MED24: variants seen among roughly 807,000 people sequenced by gnomAD.
The protein encoded by MED24 is mediator complex subunit 24, also known as mediator of RNA polymerase II transcription subunit 24.
A neutral mutation model predicts 118.8 loss-of-function variants in MED24; 74 were observed. The ratio of observed to expected loss-of-function variants is 0.62; its 90% confidence interval spans 0.52 to 0.76. The LOEUF is 0.76. Ranked by LOEUF, MED24 falls within the 30% of genes least tolerant of loss-of-function variation. MED24 has a pLI of 0.00. For synonymous variants in MED24, 521 were observed against 523.9 expected, an observed-to-expected ratio of 0.99 and a Z score of 0.08; for missense variants, 1,041 against 1,278.9, an observed-to-expected ratio of 0.81 and a Z score of 2.84.
intron 3 of MED24, among the ~76,000 whole-genome samples, chr17:40,039,383 C>G (rs1190295873): frequency 6.6e-6 from 1 of 152,176 alleles, no homozygotes; most frequent in Non-Finnish European, 1.5e-5. Flanking sequence ...ATGCTTGTGG[C>G]TAGCCCCACC....
chr17:40,030,497 C>T (rs1157197877), intron 12 of MED24, among the ~76,000 whole-genome samples: 4 of 151,604 alleles, frequency 2.6e-5, no homozygotes, highest in Admixed American at 6.6e-5. Context: ...GGTTTCACCA[C>T]GTTGGCCAGG....
At chr17:40,027,084 T>C in intron 16 of MED24, 50 bp from the exon 17 acceptor site, 8 of 1,593,948 alleles carry the variant, frequency 5.0e-6, no homozygotes, top group South Asian at 1.1e-5. Context: ...GCGCGGCGCC[T>C]GCCAGCGCTG....
intron 11 of MED24, 38 bp from the exon 12 acceptor site, chr17:40,031,283 GGAT>G: frequency 4.6e-6 from 7 of 1,532,842 alleles, no homozygotes; most frequent in Non-Finnish European, 6.2e-6. Context: ...CTGGGCACCT[GGAT>G]AGGATGGTGA....
intron 19 of MED24, among the ~76,000 whole-genome samples, chr17:40,025,780 C>A (rs898118744): frequency 6.6e-6 from 1 of 152,182 alleles, no homozygotes; most frequent in Non-Finnish European, 1.5e-5. Flanking sequence ...AGAGCCAGGG[C>A]AGGAAACTGT....
At position 40,029,869 on chromosome 17, in the gene MED24, T is replaced by C. The variant is rs368844845; in HGVS notation, c.1155-10A>G. 2.5e-5 allele frequency: 40 copies of C among 1,612,360 alleles called. No individual in the cohort carries two copies. The highest frequency in any genetic ancestry group is 3.4e-5 in the Non-Finnish European group (40 of 1,178,592). ...CTCTCGGTCCGCTTTGCTGTGGACA[T>C]CACCAGTTGGCCAAGGAAGGGAAGA... On this transcript the variant is annotated splice_polypyrimidine_tract_variant and intron_variant, in intron 12 of 25. Transcript: ENST00000394128.
intron 3 of MED24, among the ~76,000 whole-genome samples, chr17:40,044,917 G>T (rs1984998561): frequency 6.6e-6 from 1 of 151,616 alleles, no homozygotes; most frequent in African/African-American, 2.4e-5. Flanking sequence ...GTTGGCAAAG[G>T]TATGGGGAAA....
intron 3 of MED24, among the ~76,000 whole-genome samples, chr17:40,039,280 G>T (rs1216935597): frequency 6.6e-6 from 1 of 152,194 alleles, no homozygotes; most frequent in Non-Finnish European, 1.5e-5. Flanking sequence ...TACACAGCAG[G>T]ATCTGGCCTA....
intron 3 of MED24, among the ~76,000 whole-genome samples, chr17:40,050,798 C>G (rs1439962535): frequency 6.6e-6 from 1 of 152,120 alleles, no homozygotes; most frequent in Non-Finnish European, 1.5e-5. Context: ...AATGGGTATA[C>G]TAAAAGCCCA....
rs867156306 is a variant in MED24, at chr17:40,031,237, C to T, written c.1076G>A (p.Cys359Tyr). ...ACATTCTTGGAGCAGGAAGTTTGTA[C>T]AGTCACAGCTGTGAGGGAGAAAGAT... ...DKADQRCNCD[C>Y]TNFLLQECGK... The change falls in exon 12 of 26, where the codon TGT (cysteine) becomes TAT (tyrosine). Residue 359 changes from cysteine to tyrosine, a missense_variant. By Grantham distance (194) the Cys-to-Tyr change is radical. Around this residue, in one of 3 missense-constraint regions of MED24, gnomAD observed 434 missense variants for 514.9 expected, o/e 0.84. Coordinates refer to ENST00000394128, the MANE Select transcript of MED24 (RefSeq NM_014815.4). The T allele has an allele frequency of 6.4e-7, 1 of 1,565,762 alleles. No individual in the cohort carries two copies. Among genetic ancestry groups the T allele is most frequent in the Non-Finnish European group, 8.7e-7 (1 of 1,154,092 alleles).
At chr17:40,044,904 A>C (rs1984996430) in intron 3 of MED24, among the ~76,000 whole-genome samples, 2 of 151,510 alleles carry the variant, frequency 1.3e-5, no homozygotes, top group East Asian at 3.9e-4. Context: ...AATTATATCC[A>C]GCGTTGGCAA....
chr17:40,049,673 C>T (rs1449396220), intron 3 of MED24, among the ~76,000 whole-genome samples: 1 of 151,934 alleles, frequency 6.6e-6, no homozygotes, highest in Non-Finnish European at 1.5e-5. Flanking sequence ...ATTACAGGCA[C>T]TCGCCACCAT....
intron 19 of MED24, among the ~76,000 whole-genome samples, chr17:40,025,094 T>C (rs7224298): frequency 0.015 from 2,261 of 152,276 alleles, 65 homozygotes; most frequent in African/African-American, 0.052. Context: ...TGCTACTACA[T>C]GGATGAGCTT....
In MED24 at chr17:40,033,408, A is replaced by G. The variant is rs374332490; in HGVS notation, c.608T>C (p.Leu203Pro). 7.5e-6 allele frequency: 12 copies of G among 1,610,428 alleles called. No individual in the cohort carries two copies. The highest frequency in any genetic ancestry group is 1.3e-5 in the African/African-American group (1 of 74,872). ...EHSLLKLGEI[L>P]ANLSNPQLRS... Reference sequence around the variant, plus strand: ...GAGCTGCGGGTTGCTGAGATTGGCCAGGATCTCTCCAAGTTTCAAGAGAGA... The same window carrying G: ...GAGCTGCGGGTTGCTGAGATTGGCCGGGATCTCTCCAAGTTTCAAGAGAGA... The change falls in exon 7 of 26, where the codon CTG (leucine) becomes CCG (proline). Residue 203 changes from leucine (L) to proline (P), a missense_variant. Physicochemically the swap from Leu to Pro is moderately conservative, Grantham distance 98 (BLOSUM62 -3). This residue lies in a region of MED24 where 434 missense variants were observed against 514.9 expected (regional missense o/e 0.84). Coordinates refer to ENST00000394128, the MANE Select transcript of MED24 (RefSeq NM_014815.4). This position sits in a 1 kb window ranked among gnomAD's most constrained non-coding sequence, Gnocchi z 5.2.
chr17:40,039,781 ATTTTT>A (rs869107070), intron 3 of MED24, among the ~76,000 whole-genome samples: 1 of 127,690 alleles, frequency 7.8e-6, no homozygotes, highest in South Asian at 2.7e-4. Flanking sequence ...ACCATGCTTA[ATTTTT>A]TTTTTTTTTT....
chr17:40,031,354 C>A, intron 11 of MED24, 109 bp from the exon 12 acceptor site: 2 of 1,277,568 alleles, frequency 1.6e-6, no homozygotes. Flanking sequence ...TGAGGAAAAT[C>A]TGGAGTGCCT....
At chr17:40,023,006 C>A (rs1982218204) in intron 20 of MED24, 125 bp downstream of exon 20, 1 of 1,394,574 alleles carries the variant, frequency 7.2e-7, no homozygotes, top group African/African-American at 1.4e-5. Flanking sequence ...AACTCTGAGG[C>A]GAGGCATTCC....
chr17:40,021,071 T>TCAAACAAA lies in MED24; in HGVS notation c.2624-726_2624-719dup, dbSNP rs138887828. 7.9e-3 allele frequency: 1,202 copies of TCAAACAAA among 151,196 alleles called. 7 individuals are homozygous for TCAAACAAA. Among genetic ancestry groups the TCAAACAAA allele is most frequent in the South Asian group, 0.027 (126 of 4,748 alleles). The allele number at this position is 151,196 out of a possible 1,614,324, so 9.4% of individuals were successfully genotyped here. A position where few individuals can be genotyped will look rare whatever the true frequency, so the allele number is the denominator to read the frequency against. On this transcript the variant is annotated intron_variant, in intron 23 of 25. Transcript: ENST00000394128. ...CTGGGCAACAGAGGGAGACTCCAAC[T>TCAAACAAA]CAAACAAACAAACAAACAAACAAAC... is the stretch of plus-strand genomic sequence containing the variant.
Position 40,031,911 on chromosome 17 carries a change from C to T in MED24, c.984+132G>A, listed in dbSNP as rs577537767. ...GCTGAAGCATGCACATTGTGAAGCA[C>T]GTGCACGCTGAGGTGTACACTCACA... On this transcript the variant is annotated intron_variant, in intron 10 of 25. Coordinates refer to ENST00000394128, the MANE Select transcript of MED24 (RefSeq NM_014815.4). 12 of 1,049,662 alleles carry T rather than the reference C, an allele frequency of 1.1e-5. No individual in the cohort carries two copies. In the South Asian group the frequency reaches 1.3e-4, roughly 12 times the overall value. The allele number at this position is 1,049,662 out of a possible 1,614,324, so 65.0% of individuals were successfully genotyped here.
intron 19 of MED24, among the ~76,000 whole-genome samples, chr17:40,025,053 C>T (rs1982482904): frequency 6.6e-6 from 1 of 152,186 alleles, no homozygotes; most frequent in Non-Finnish European, 1.5e-5. Flanking sequence ...GAGTATTATT[C>T]AGCCTTAAAA....
Sources: gnomAD v4.1 joint callset for allele counts (sites outside exome capture counted in the v4.1 genomes callset) on GRCh38, gnomAD v4.1.1 for gene constraint, gnomAD v4.1.1 regional missense constraint, Gnocchi (gnomAD v3.1) non-coding constraint, MANE v1.5 for transcripts, NCBI Gene and HGNC (gene_info 2026-07-23, HGNC 2026-07-21) for gene names.